DNAJC6: variants seen among roughly 807,000 people sequenced by gnomAD.
DNAJC6 encodes DnaJ heat shock protein family (Hsp40) member C6.
DNAJC6 carries 34 observed loss-of-function variants against 110.0 expected under a neutral mutation model. That is an observed-to-expected ratio of 0.31 (90% CI 0.24 to 0.41). The LOEUF is 0.41. Ranked by LOEUF, DNAJC6 falls within the 10% of genes least tolerant of loss-of-function variation. The probability of loss-of-function intolerance (pLI) is 1.00; values close to 1 mark genes in which losing one functional copy is unlikely to be tolerated. For missense variants in DNAJC6, 1,031 were observed against 1,207.8 expected, an observed-to-expected ratio of 0.85 and a Z score of 2.17; for synonymous variants, 406 against 437.2, an observed-to-expected ratio of 0.93 and a Z score of 0.89.
At chr1:65,387,886 A>G (rs547364693) in intron 8 of DNAJC6, among the ~76,000 whole-genome samples, 21 of 152,348 alleles carry the variant, frequency 1.4e-4, no homozygotes, top group African/African-American at 3.8e-4. Context: ...TCAATTTCAC[A>G]AGGGAAATCC....
intron 1 of DNAJC6, among the ~76,000 whole-genome samples, chr1:65,344,977 ATGT>A (rs1291968677): frequency 6.6e-6 from 1 of 152,142 alleles, no homozygotes; most frequent in African/African-American, 2.4e-5. Context: ...CTTGTGAGTT[ATGT>A]TGTTGTTAAT....
At chr1:65,333,727 G>A (rs1165817348) in intron 1 of DNAJC6, among the ~76,000 whole-genome samples, 2 of 151,966 alleles carry the variant, frequency 1.3e-5, no homozygotes, top group East Asian at 1.9e-4. Flanking sequence ...TGCAAATTTT[G>A]TTTCATCCTA....
chr1:65,408,802 G>T lies in DNAJC6; in HGVS notation c.2634+19G>T. The T allele has an allele frequency of 1.9e-6, 3 of 1,609,912 alleles. No homozygotes were observed. Among genetic ancestry groups the T allele is most frequent in the Non-Finnish European group, 2.5e-6 (3 of 1,178,726 alleles). On this transcript the variant is annotated intron_variant, in intron 17 of 18. Coordinates refer to ENST00000371069, the MANE Select transcript of DNAJC6 (RefSeq NM_001256864.2). ...ATTAAAGGTGAGTGAGGCCCCTGAC[G>T]CAGCTTGATTATCCTATATGACAAA... is the stretch of plus-strand genomic sequence containing the variant.
chr1:65,370,536 T>A (rs1208276073), intron 4 of DNAJC6, among the ~76,000 whole-genome samples: 1 of 152,220 alleles, frequency 6.6e-6, no homozygotes, highest in Admixed American at 6.5e-5. Context: ...GAAAGCTGGA[T>A]GAATGTACAC....
intron 1 of DNAJC6, among the ~76,000 whole-genome samples, chr1:65,267,675 TACAG>T (rs899719629): frequency 1.3e-5 from 2 of 151,910 alleles, no homozygotes; most frequent in Admixed American, 6.6e-5. Flanking sequence ...TGCATATATA[TACAG>T]ACAGAGAGAG....
intron 1 of DNAJC6, among the ~76,000 whole-genome samples, chr1:65,358,566 T>G (rs189374488): frequency 1.3e-5 from 2 of 152,320 alleles, no homozygotes; most frequent in African/African-American, 4.8e-5. Flanking sequence ...TTGTTATTAT[T>G]TTATGTTTAT....
Position 65,392,556 on chromosome 1 carries a change from C to T in DNAJC6, c.1594C>T (p.Pro532Ser). ...SPHGNANGDK[P>S]HGVKKPSKKQ... ...GCATGGCAATGCCAATGGTGACAAG[C>T]CTCATGGAGTCAAGAAGCCCAGCAA... is the stretch of plus-strand genomic sequence containing the variant. Residue 532 changes from proline (P) to serine (S), a missense_variant, in exon 12 of 19, where the codon CCT (proline) becomes TCT (serine). Physicochemically the swap from Pro to Ser is moderately conservative, Grantham distance 74. Transcript: ENST00000371069. 1 of 1,614,116 alleles carries T rather than the reference C, an allele frequency of 6.2e-7. No homozygotes were observed. The highest frequency in any genetic ancestry group is 8.5e-7 in the Non-Finnish European group (1 of 1,180,012).
intron 1 of DNAJC6, among the ~76,000 whole-genome samples, chr1:65,315,656 A>G (rs1435000806): frequency 6.6e-6 from 1 of 152,218 alleles, no homozygotes; most frequent in Non-Finnish European, 1.5e-5. Flanking sequence ...GGATTATGCT[A>G]AACACTGCAT....
intron 17 of DNAJC6, among the ~76,000 whole-genome samples, chr1:65,410,444 A>G (rs1646117888): frequency 6.6e-6 from 1 of 152,222 alleles, no homozygotes; most frequent in African/African-American, 2.4e-5. Context: ...TTCATTAGGC[A>G]AATTCGGACA....
chr1:65,380,936 T>TTTTTC, intron 5 of DNAJC6, among the ~76,000 whole-genome samples: 1 of 144,920 alleles, frequency 6.9e-6, no homozygotes, highest in African/African-American at 2.7e-5. Flanking sequence ...TTTTTTTTTT[T>TTTTTC]TGGGACCGAG....
chr1:65,281,859 C>T (rs754500503), intron 1 of DNAJC6, among the ~76,000 whole-genome samples: 4 of 152,246 alleles, frequency 2.6e-5, no homozygotes, highest in South Asian at 4.2e-4. Flanking sequence ...CCACCCACCT[C>T]GGCCTCCCAA....
At chr1:65,350,773 C>T (rs368964655) in intron 1 of DNAJC6, among the ~76,000 whole-genome samples, 2 of 152,304 alleles carry the variant, frequency 1.3e-5, no homozygotes, top group Admixed American at 6.5e-5. Flanking sequence ...TACAGAAACA[C>T]TGAATATCCA....
At chr1:65,304,128 A>G (rs1044256803) in intron 1 of DNAJC6, among the ~76,000 whole-genome samples, 1 of 152,146 alleles carries the variant, frequency 6.6e-6, no homozygotes, top group African/African-American at 2.4e-5. Flanking sequence ...TAAATAATCA[A>G]TGGCAGTTAT....
intron 1 of DNAJC6, among the ~76,000 whole-genome samples, chr1:65,275,530 A>C (rs765271656): frequency 6.6e-6 from 1 of 152,110 alleles, no homozygotes; most frequent in African/African-American, 2.4e-5. Flanking sequence ...GGTTTTCAAC[A>C]CTTGTCCCAG....
chr1:65,335,502 A>T (rs890244955), intron 1 of DNAJC6, among the ~76,000 whole-genome samples: 1 of 152,156 alleles, frequency 6.6e-6, no homozygotes, highest in African/African-American at 2.4e-5. Flanking sequence ...GTGAAGAAAA[A>T]AGAGTAGACT....
Position 65,346,331 on chromosome 1 carries a change from C to T in DNAJC6, c.194-18304C>T, listed in dbSNP as rs74080554. ...GCTATCCCTGGGGAAATCCACTTGT[C>T]TCAGGCAATATTAATCTGCTCTGCG... On this transcript the variant is annotated intron_variant, in intron 1 of 18. Transcript: ENST00000371069. 7.7e-3 allele frequency among the ~76,000 whole-genome samples: 1,175 copies of T among 152,262 alleles called. 15 individuals carry two copies. The highest frequency in any genetic ancestry group is 0.027 in the African/African-American group (1,128 of 41,552).
At chr1:65,343,062 C>T (rs1645404216) in intron 1 of DNAJC6, among the ~76,000 whole-genome samples, 1 of 152,180 alleles carries the variant, frequency 6.6e-6, no homozygotes, top group Non-Finnish European at 1.5e-5. Flanking sequence ...CTTTTGAGAT[C>T]TGAGCATCAT....
chr1:65,386,348 G>A (rs1396641373), intron 7 of DNAJC6, among the ~76,000 whole-genome samples: 1 of 152,222 alleles, frequency 6.6e-6, no homozygotes, highest in African/African-American at 2.4e-5. Context: ...GTGGAGAGAA[G>A]GGAGTGGGTG....
chr1:65,371,982 T>C (rs553608769), intron 4 of DNAJC6, among the ~76,000 whole-genome samples: 1 of 152,346 alleles, frequency 6.6e-6, no homozygotes, highest in East Asian at 1.9e-4. Flanking sequence ...GTATGTTTAC[T>C]TAATGGTGTA....
Sources: gnomAD v4.1 joint callset for allele counts (sites outside exome capture counted in the v4.1 genomes callset) on GRCh38, gnomAD v4.1.1 for gene constraint, MANE v1.5 for transcripts, NCBI Gene and HGNC (gene_info 2026-07-23, HGNC 2026-07-21) for gene names.